Variants in BMAL1 observed in about 807,000 individuals in gnomAD.
BMAL1 encodes basic helix-loop-helix ARNT-like protein 1.
the BMAL1 span, among the ~76,000 whole-genome samples, chr11:13,327,126 G>A: frequency 8.1e-4 from 123 of 151,812 alleles, 1 homozygote; most frequent in Admixed American, 5.2e-3. Context: ...AGCCCATAGC[G>A]GTTCACTCAT....
chr11:13,361,097 C>G, the BMAL1 span, among the ~76,000 whole-genome samples: 2 of 152,204 alleles, frequency 1.3e-5, no homozygotes, highest in African/African-American at 2.4e-5. Context: ...GAGTGAGACT[C>G]TGTCTCAAAA....
the BMAL1 span, among the ~76,000 whole-genome samples, chr11:13,288,821 C>T: frequency 9.2e-3 from 1,395 of 152,202 alleles, 23 homozygotes; most frequent in African/African-American, 0.031. Flanking sequence ...ATCAGTCACC[C>T]TTTAGATTTC....
the BMAL1 span, among the ~76,000 whole-genome samples, chr11:13,355,822 A>AT: frequency 0.01 from 1,559 of 152,232 alleles, 35 homozygotes; most frequent in African/African-American, 0.036. Flanking sequence ...ACTGTTCTAG[A>AT]ATGCCCATGA....
chr11:13,282,847 C>T, the BMAL1 span, among the ~76,000 whole-genome samples: 1 of 152,172 alleles, frequency 6.6e-6, no homozygotes, highest in Non-Finnish European at 1.5e-5. Context: ...CCATGGTTGT[C>T]CAATGCACAT....
chr11:13,288,391 CTTT>C, the BMAL1 span, among the ~76,000 whole-genome samples: 1 of 16,952 alleles, frequency 5.9e-5, no homozygotes, highest in African/African-American at 8.9e-5. Flanking sequence ...TGGGGATTTT[CTTT>C]TTTCTTTCTT....
the BMAL1 span, among the ~76,000 whole-genome samples, chr11:13,384,230 T>C: frequency 6.6e-6 from 1 of 152,120 alleles, no homozygotes; most frequent in Non-Finnish European, 1.5e-5. Flanking sequence ...AAAACTTGTC[T>C]CTGCTACTTT....
At chr11:13,304,733 C>G in the BMAL1 span, among the ~76,000 whole-genome samples, 1 of 152,170 alleles carries the variant, frequency 6.6e-6, no homozygotes, top group South Asian at 2.1e-4. Flanking sequence ...TGAGATATGC[C>G]TACTGGAGTC....
chr11:13,366,755 C>T, the BMAL1 span: 1 of 1,614,020 alleles, frequency 6.2e-7, no homozygotes. Context: ...TGACACCGCA[C>T]CCCGGGAGCG....
chr11:13,284,260 A>ATGTG, the BMAL1 span, among the ~76,000 whole-genome samples: 10 of 20,000 alleles, frequency 5.0e-4, no homozygotes, highest in Non-Finnish European at 1.1e-3. Flanking sequence ...ATATATATAT[A>ATGTG]TATATATTTT....
chr11:13,284,952 C>A, the BMAL1 span, among the ~76,000 whole-genome samples: 1 of 152,226 alleles, frequency 6.6e-6, no homozygotes, highest in East Asian at 1.9e-4. Context: ...AGGTTCAGTC[C>A]TCCTTGCCTC....
the BMAL1 span, chr11:13,276,730 G>A: frequency 2.0e-5 from 3 of 152,220 alleles, no homozygotes; most frequent in Non-Finnish European, 4.4e-5. Context: ...TATTCAGGGA[G>A]TTTAACATCT....
At chr11:13,323,989 A>C in the BMAL1 span, among the ~76,000 whole-genome samples, 4 of 152,270 alleles carry the variant, frequency 2.6e-5, no homozygotes, top group Non-Finnish European at 5.9e-5. Context: ...TTCAATACAT[A>C]TAATCTGTAG....
the BMAL1 span, among the ~76,000 whole-genome samples, chr11:13,356,043 T>C: frequency 1.3e-5 from 2 of 152,188 alleles, no homozygotes; most frequent in African/African-American, 4.8e-5. Flanking sequence ...TTTCTTCTAC[T>C]GAACCACAGG....
chr11:13,280,665 C>T, the BMAL1 span, among the ~76,000 whole-genome samples: 5 of 152,302 alleles, frequency 3.3e-5, no homozygotes, highest in East Asian at 9.7e-4. Flanking sequence ...GGGACACAGG[C>T]ATGTTATCCT....
At chr11:13,346,662 G>A in the BMAL1 span, among the ~76,000 whole-genome samples, 2 of 152,168 alleles carry the variant, frequency 1.3e-5, no homozygotes, top group Non-Finnish European at 2.9e-5. Context: ...GTGGAATGGA[G>A]GGTGCCCTCT....
the BMAL1 span, among the ~76,000 whole-genome samples, chr11:13,281,026 G>A: frequency 6.6e-6 from 1 of 152,152 alleles, no homozygotes; most frequent in Non-Finnish European, 1.5e-5. Flanking sequence ...TGGTGTAATG[G>A]CAGTGCCTGC....
the BMAL1 span, among the ~76,000 whole-genome samples, chr11:13,284,106 G>GTATATATATA: frequency 3.7e-5 from 3 of 80,690 alleles, no homozygotes; most frequent in Non-Finnish European, 5.2e-5. Context: ...GTGTGTGTGT[G>GTATATATATA]TGTGTATATA....
At chr11:13,343,103 C>A in the BMAL1 span, among the ~76,000 whole-genome samples, 1 of 152,140 alleles carries the variant, frequency 6.6e-6, no homozygotes, top group African/African-American at 2.4e-5. Context: ...GGTCAGGAGA[C>A]CAATGACACA....
the BMAL1 span, among the ~76,000 whole-genome samples, chr11:13,326,828 T>A: frequency 5.9e-5 from 9 of 151,676 alleles, no homozygotes; most frequent in Admixed American, 1.3e-4. Context: ...TTGTTTTGTT[T>A]TGTTTTTTTG....
Sources: allele counts gnomAD v4.1 joint callset (sites outside exome capture counted in the v4.1 genomes callset), GRCh38; gene constraint gnomAD v4.1.1; transcripts MANE v1.5; gene names NCBI Gene and HGNC (gene_info 2026-07-23, HGNC 2026-07-21).